Variants in NALF1 observed in about 807,000 individuals in gnomAD.
NALF1 encodes the protein NALCN channel auxiliary factor 1.
NALF1 carries 3 observed loss-of-function variants against 48.4 expected under a neutral mutation model. The observed-to-expected ratio is 0.06, with a 90% CI of 0.03 to 0.16. The LOEUF is 0.16. NALF1 is among the 10% of genes least tolerant of loss of function. NALF1 has a pLI of 1.00. For missense variants in NALF1, 526 were observed against 571.5 expected, an observed-to-expected ratio of 0.92 and a Z score of 0.81; for synonymous variants, 262 against 245.7, an observed-to-expected ratio of 1.07 and a Z score of -0.62.
At chr13:107,270,210 A>T (rs1321589120) in intron 1 of NALF1, among the ~76,000 whole-genome samples, 2 of 152,052 alleles carry the variant, frequency 1.3e-5, no homozygotes, top group Non-Finnish European at 2.9e-5. Flanking sequence ...TTGAAAATTT[A>T]TTTTCTATGT....
chr13:107,742,658 T>C (rs577280882), intron 1 of NALF1, among the ~76,000 whole-genome samples: 89 of 152,314 alleles, frequency 5.8e-4, no homozygotes, highest in South Asian at 3.1e-3. Flanking sequence ...GTCTCAGATA[T>C]GTCTTTATTA....
intron 1 of NALF1, among the ~76,000 whole-genome samples, chr13:107,536,827 C>T (rs916226195): frequency 1.1e-4 from 16 of 152,162 alleles, no homozygotes; most frequent in Middle Eastern, 3.2e-3. Flanking sequence ...TTGGAACCAA[C>T]CCAAATGTCC....
chr13:107,217,329 G>A lies in NALF1; in HGVS notation c.916-6574C>T, dbSNP rs75425974. Among the ~76,000 whole-genome samples, 1,106 of 152,180 alleles carry A rather than the reference G, an allele frequency of 7.3e-3. 11 individuals carry two copies. The highest frequency in any genetic ancestry group is 0.024 in the African/African-American group (978 of 41,536). ...TTGTTTTATCCTGGTGTCCCTCTTAGTCCTCTGCCCCTCCTTCTCCATCTT... is the reference window on the plus strand; with the variant it reads ...TTGTTTTATCCTGGTGTCCCTCTTAATCCTCTGCCCCTCCTTCTCCATCTT... On this transcript the variant is annotated intron_variant, in intron 1 of 2. Transcript: ENST00000375915.
chr13:107,815,523 A>G (rs1267785151), intron 1 of NALF1, among the ~76,000 whole-genome samples: 1 of 152,208 alleles, frequency 6.6e-6, no homozygotes, highest in Non-Finnish European at 1.5e-5. Flanking sequence ...AGTATCAAGG[A>G]GAATGTGAAG....
chr13:107,452,474 T>A (rs1490331806), intron 1 of NALF1, among the ~76,000 whole-genome samples: 5 of 152,030 alleles, frequency 3.3e-5, no homozygotes, highest in African/African-American at 1.2e-4. Context: ...AACCATCAGA[T>A]CTCATGAGAA....
chr13:107,382,363 T>C (rs1883456440), intron 1 of NALF1, among the ~76,000 whole-genome samples: 2 of 152,246 alleles, frequency 1.3e-5, no homozygotes, highest in African/African-American at 4.8e-5. Context: ...TTCTCATTAA[T>C]ATTCTGTAAT....
intron 1 of NALF1, among the ~76,000 whole-genome samples, chr13:107,568,723 T>C (rs1413137617): frequency 1.3e-5 from 2 of 152,226 alleles, no homozygotes; most frequent in Non-Finnish European, 2.9e-5. Flanking sequence ...TTTATGTGCT[T>C]ATTTTCAAAC....
intron 1 of NALF1, among the ~76,000 whole-genome samples, chr13:107,766,325 T>C (rs1351794558): frequency 1.3e-5 from 2 of 152,208 alleles, no homozygotes; most frequent in East Asian, 3.8e-4. Context: ...TGAGAAATGC[T>C]GCTTTGCAAA....
intron 1 of NALF1, among the ~76,000 whole-genome samples, chr13:107,275,956 T>A (rs994894006): frequency 6.6e-6 from 1 of 152,066 alleles, no homozygotes; most frequent in East Asian, 1.9e-4. Context: ...GGTCCTCAGG[T>A]CCCTGAGAGC....
intron 2 of NALF1, among the ~76,000 whole-genome samples, chr13:107,197,181 G>C (rs947946673): frequency 1.3e-5 from 2 of 152,064 alleles, no homozygotes; most frequent in African/African-American, 2.4e-5. Flanking sequence ...TAGAGGTGTC[G>C]CTAAACCTTG....
intron 1 of NALF1, among the ~76,000 whole-genome samples, chr13:107,401,957 C>T (rs760873325): frequency 1.3e-5 from 2 of 152,112 alleles, no homozygotes; most frequent in Non-Finnish European, 2.9e-5. Context: ...TATAAAAAGT[C>T]ACTTTACTCT....
At chr13:107,185,769 G>A (rs1879158200) in intron 2 of NALF1, among the ~76,000 whole-genome samples, 1 of 151,890 alleles carries the variant, frequency 6.6e-6, no homozygotes, top group Non-Finnish European at 1.5e-5. Context: ...TTTTGCCTAG[G>A]TATAGGATTC....
intron 2 of NALF1, among the ~76,000 whole-genome samples, chr13:107,201,643 C>G (rs953442010): frequency 8.5e-5 from 13 of 152,270 alleles, no homozygotes; most frequent in African/African-American, 3.1e-4. Flanking sequence ...CAGCGAGCAA[C>G]AGGTCCTATC....
chr13:107,461,024 G>C (rs1388231434), intron 1 of NALF1, among the ~76,000 whole-genome samples: 1 of 151,978 alleles, frequency 6.6e-6, no homozygotes, highest in East Asian at 1.9e-4. Flanking sequence ...TTAAAATATA[G>C]AGTAAAAATC....
intron 1 of NALF1, among the ~76,000 whole-genome samples, chr13:107,599,333 A>G (rs1878853425): frequency 6.6e-6 from 1 of 151,896 alleles, no homozygotes; most frequent in South Asian, 2.1e-4. Flanking sequence ...GAGGCAGGAG[A>G]ATGGCATGAA....
chr13:107,193,111 A>G (rs1879316906), intron 2 of NALF1, among the ~76,000 whole-genome samples: 1 of 152,144 alleles, frequency 6.6e-6, no homozygotes, highest in Admixed American at 6.5e-5. Flanking sequence ...TTTATGGTAT[A>G]AGATGACATT....
intron 1 of NALF1, among the ~76,000 whole-genome samples, chr13:107,780,698 G>A (rs1163385266): frequency 2.6e-5 from 4 of 151,878 alleles, no homozygotes; most frequent in East Asian, 1.9e-4. Context: ...TTGGGATGCC[G>A]AGGCAGGTGG....
At chr13:107,638,346 T>C (rs1156974999) in intron 1 of NALF1, among the ~76,000 whole-genome samples, 1 of 151,866 alleles carries the variant, frequency 6.6e-6, no homozygotes, top group Non-Finnish European at 1.5e-5. Flanking sequence ...ACCTGTTTGT[T>C]TATGGGAGTG....
chr13:107,750,598 A>G (rs1876910786), intron 1 of NALF1, among the ~76,000 whole-genome samples: 1 of 152,078 alleles, frequency 6.6e-6, no homozygotes, highest in Non-Finnish European at 1.5e-5. Context: ...AAAAAAGAAA[A>G]CAAAGAAGAG....
Sources: gnomAD v4.1 joint callset for allele counts (sites outside exome capture counted in the v4.1 genomes callset) on GRCh38, gnomAD v4.1.1 for gene constraint, MANE v1.5 for transcripts, NCBI Gene and HGNC (gene_info 2026-07-23, HGNC 2026-07-21) for gene names.